The following DPF1 variants were observed in gnomAD, a reference collection of about 807,000 sequenced individuals.
DPF1 encodes the protein double PHD fingers 1, also known as zinc finger protein neuro-d4.
A neutral mutation model predicts 58.7 loss-of-function variants in DPF1; 14 were observed. The ratio of observed to expected loss-of-function variants is 0.24; its 90% CI spans 0.16 to 0.37. DPF1 has a LOEUF of 0.37. Among genes scored for constraint, DPF1 ranks in the 10% least tolerant of loss-of-function variants. The probability of loss-of-function intolerance (pLI) is 1.00; values close to 1 mark genes in which losing one functional copy is unlikely to be tolerated. For synonymous variants in DPF1, 216 were observed against 216.0 expected (o/e 1.00, Z 0.00); for missense variants, 345 against 529.9 (o/e 0.65, Z 3.43).
chr19:38,216,571 C>G, intron 7 of DPF1, 168 bp from the exon 8 acceptor site: 2 of 682,444 alleles, frequency 2.9e-6, no homozygotes, highest in Non-Finnish European at 4.3e-6. Context: ...CATCGGGACT[C>G]CCAACTCTGC....
Position 38,229,639 on chromosome 19 carries a change from G to C in DPF1, c.-212C>G. The C allele has an allele frequency of 3.1e-6, 3 of 970,446 alleles. No individual in the cohort carries two copies. The South Asian group carries it at 1.4e-4, about 45-fold the overall frequency. The allele number at this position is 970,446 out of a possible 1,614,324, so 60.1% of individuals were successfully genotyped here. A position where few individuals can be genotyped will look rare whatever the true frequency, so the allele number is the denominator to read the frequency against. ...CGGCCCGGGGCGCCGCTGCCGCCGCGCGCGGGCCCAGCCCGGCCTGCGCCG... is the reference window on the plus strand; with the variant it reads ...CGGCCCGGGGCGCCGCTGCCGCCGCCCGCGGGCCCAGCCCGGCCTGCGCCG... On this transcript the variant is annotated 5_prime_UTR_variant, in exon 1 of 12. Transcript: ENST00000412732. This position sits in a 1 kb window ranked among gnomAD's most constrained non-coding sequence, Gnocchi z 5.3.
intron 5 of DPF1, 64 bp downstream of exon 5, chr19:38,218,509 C>T: frequency 6.4e-7 from 1 of 1,552,338 alleles, no homozygotes; most frequent in Non-Finnish European, 8.9e-7. Flanking sequence ...GACCACTGCA[C>T]CTGCTCCATG....
At position 38,212,136 on chromosome 19, in the gene DPF1, G is replaced by T. The variant is rs368689532; in HGVS notation, c.1094-3C>A. 16 of 1,607,780 alleles carry T rather than the reference G, an allele frequency of 1.0e-5. No homozygotes were observed. The highest frequency in any genetic ancestry group is 4.0e-5 in the African/African-American group (3 of 74,908). On this transcript the variant is annotated splice_region_variant and splice_polypyrimidine_tract_variant and intron_variant, in intron 11 of 11. Transcript: ENST00000355526. ...ACAGAGGTGACAGCTCCAGCTCCCT[G>T]CGGGGGCAGCCGAAGCTGAAGTCAG... is the stretch of plus-strand genomic sequence containing the variant.
rs1277940152 is a variant in DPF1, at chr19:38,222,200, T to C, written c.298+157A>G. 6.6e-6 allele frequency among the ~76,000 whole-genome samples: 1 copy of C among 152,094 alleles called. No homozygotes were observed. Among genetic ancestry groups the C allele is most frequent in the Non-Finnish European group, 1.5e-5 (1 of 67,998 alleles). ...TCGCCACTCAGTGACTCAGAGAAAC[T>C]GTGGAATCTCTGGGAAACACCCGGG... On this transcript the variant is annotated intron_variant, in intron 3 of 11. Transcript: ENST00000355526. This position sits in a 1 kb window ranked among gnomAD's most constrained non-coding sequence, Gnocchi z 4.9.
chr19:38,223,067 G>T, intron 1 of DPF1: 1 of 271,044 alleles, frequency 3.7e-6, no homozygotes, highest in Non-Finnish European at 6.9e-6. Context: ...TACTCACAAA[G>T]GAGAAACAGA....
At chr19:38,217,377 G>GGGCC in intron 7 of DPF1, 83 bp downstream of exon 7, 10 of 774,478 alleles carry the variant, frequency 1.3e-5, no homozygotes, top group Non-Finnish European at 1.5e-5. Context: ...AATGTCTAAT[G>GGGCC]CCCCCCCACC....
Position 38,211,839 on chromosome 19 carries a change from G to T in DPF1, c.*224C>A. 1.8e-6 allele frequency: 1 copy of T among 568,292 alleles called. No homozygotes were observed. Among genetic ancestry groups the T allele is most frequent in the Non-Finnish European group, 3.1e-6 (1 of 324,490 alleles). 35.2% of individuals were successfully genotyped at this position (568,292 alleles called of 1,614,324 possible). On this transcript the variant is annotated 3_prime_UTR_variant, in exon 12 of 12. Transcript: ENST00000355526. The surrounding 1 kb of genome is among the most constrained non-coding windows in gnomAD (Gnocchi z 4.0). ...GGGGAGAAGCCCCTGGTGTCCATTTGCCAAGGGACAGAGAGGGAGGGAGGG... is the reference window on the plus strand; with the variant it reads ...GGGGAGAAGCCCCTGGTGTCCATTTTCCAAGGGACAGAGAGGGAGGGAGGG...
At chr19:38,217,357 A>C in intron 7 of DPF1, 103 bp downstream of exon 7, 2 of 1,418,824 alleles carry the variant, frequency 1.4e-6, no homozygotes, top group Non-Finnish European at 9.4e-7. Flanking sequence ...TGAGCTGGAG[A>C]TTTTCCAGAA....
At chr19:38,215,810 T>C (rs1329247970) in intron 9 of DPF1, among the ~76,000 whole-genome samples, 1 of 152,020 alleles carries the variant, frequency 6.6e-6, no homozygotes, top group Non-Finnish European at 1.5e-5. Context: ...CCTCAAGTGA[T>C]CCTCCCACCT....
intron 6 of DPF1, 33 bp from the exon 7 acceptor site, chr19:38,217,624 GC>G: frequency 6.5e-7 from 1 of 1,528,804 alleles, no homozygotes; most frequent in South Asian, 1.2e-5. Flanking sequence ...GGGCCTGTCA[GC>G]CCCTCCGGGC....
upstream of DPF1, chr19:38,224,369 C>A (rs1967724324): frequency 9.2e-7 from 1 of 1,085,074 alleles, no homozygotes; most frequent in Admixed American, 4.3e-5. The surrounding 1 kb of genome is among the most constrained non-coding windows in gnomAD (Gnocchi z 4.5). Context: ...GAGGAGGGGC[C>A]CGGGGCACGC....
At chr19:38,216,552 A>C (rs999983886) in intron 7 of DPF1, 149 bp from the exon 8 acceptor site, 1 of 903,338 alleles carries the variant, frequency 1.1e-6, no homozygotes, top group Non-Finnish European at 1.5e-6. Flanking sequence ...GAGAGGTGAA[A>C]ACAGTTCTCA....
chr19:38,213,092 A>G (rs990635975), intron 10 of DPF1, among the ~76,000 whole-genome samples: 2 of 149,182 alleles, frequency 1.3e-5, no homozygotes, highest in Non-Finnish European at 3.0e-5. Flanking sequence ...GGCTCAAGCC[A>G]TTCTCCTGCC....
chr19:38,214,651 C>T (rs1359936307), intron 9 of DPF1, among the ~76,000 whole-genome samples: 1 of 152,070 alleles, frequency 6.6e-6, no homozygotes, highest in African/African-American at 2.4e-5. Context: ...GCCCCTGTCT[C>T]TTGCTACTCC....
rs752426631 is a variant in DPF1, at chr19:38,213,611, C to T, written c.1011+33G>A. On this transcript the variant is annotated intron_variant, in intron 10 of 11. Coordinates refer to ENST00000355526, the MANE Select transcript of DPF1 (RefSeq NM_001135155.3). ...AGGTGGACGTGCCAGGCGGGGCGGG[C>T]AGCAGGGCACGCGGGGGGCGGGCGG... 2.5e-6 allele frequency: 4 copies of T among 1,592,424 alleles called. No homozygotes were observed. The African/African-American group carries it at 4.0e-5, about 16-fold the overall frequency.
In DPF1 at chr19:38,229,499, G is replaced by A; in HGVS notation, c.-132+60C>T. On this transcript the variant is annotated intron_variant, in intron 1 of 11. Coordinates refer to the DPF1 transcript ENST00000412732. The surrounding 1 kb of genome is among the most constrained non-coding windows in gnomAD (Gnocchi z 5.3). ...CCCCCTCCTCAGCCCCAGGGCGGGC[G>A]GGGGAAGGGCTCCTGGTGGGGGGGT... is the stretch of plus-strand genomic sequence containing the variant. 9 of 1,013,090 alleles carry A rather than the reference G, an allele frequency of 8.9e-6. No individual in the cohort carries two copies. Among genetic ancestry groups the A allele is most frequent in the Non-Finnish European group, 1.1e-5 (9 of 805,570 alleles). The allele number at this position is 1,013,090 out of a possible 1,614,324, so 62.8% of individuals were successfully genotyped here. A position where few individuals can be genotyped will look rare whatever the true frequency, so the allele number is the denominator to read the frequency against.
chr19:38,212,992 T>TC lies in DPF1; in HGVS notation c.1012-632_1012-631insG, dbSNP rs1237878960. Among the ~76,000 whole-genome samples the TC allele has an allele frequency of 2.7e-5, 4 of 150,316 alleles. No homozygotes were observed. The East Asian group carries it at 7.8e-4, about 29-fold the overall frequency. On this transcript the variant is annotated intron_variant, in intron 10 of 11. Coordinates refer to ENST00000355526, the MANE Select transcript of DPF1 (RefSeq NM_001135155.3). ...GTCATGGCTTTTGTTTTTGTTTGTT[T>TC]TTTTTTTTTTTGAGACGGAATCTCG...
chr19:38,217,396 C>CCCCCCGGG, intron 7 of DPF1, 64 bp downstream of exon 7: 1 of 1,225,742 alleles, frequency 8.2e-7, no homozygotes, highest in Non-Finnish European at 1.1e-6. Context: ...CCCCCACCCC[C>CCCCCCGGG]AGCTGGGCTC....
chr19:38,228,955 G>A (rs1967938656), upstream of DPF1, among the ~76,000 whole-genome samples: 1 of 151,998 alleles, frequency 6.6e-6, no homozygotes, highest in South Asian at 2.1e-4. Flanking sequence ...TGCGCGGGGA[G>A]AGGGAGGGAT....
Sources: gnomAD v4.1 joint callset for allele counts (sites outside exome capture counted in the v4.1 genomes callset) on GRCh38, gnomAD v4.1.1 for gene constraint, Gnocchi (gnomAD v3.1) non-coding constraint, MANE v1.5 for transcripts, NCBI Gene and HGNC (gene_info 2026-07-23, HGNC 2026-07-21) for gene names.